Variants in SETD2 observed in about 807,000 individuals in gnomAD.
SETD2 encodes histone-lysine N-methyltransferase SETD2.
A neutral mutation model predicts 242.1 loss-of-function variants in SETD2; 31 were observed. That is an observed-to-expected ratio of 0.13 (90% confidence interval 0.10 to 0.17). The LOEUF (loss-of-function observed/expected upper bound fraction) is 0.17, where lower values mean the gene tolerates loss of function less well. Ranked by LOEUF, SETD2 falls within the 10% of genes least tolerant of loss-of-function variation. The pLI, the probability that SETD2 is intolerant of heterozygous loss-of-function variation, is 1.00. For synonymous variants in SETD2, 1,006 were observed against 1,066.5 expected (o/e 0.94, Z 1.11); for missense variants, 2,481 against 3,046.3 (o/e 0.81, Z 4.37).
chr3:47,119,571 GT>G, intron 3 of SETD2: 1 of 253,982 alleles, frequency 3.9e-6, no homozygotes, highest in South Asian at 3.8e-5. Context: ...GATCTGATGG[GT>G]TTATCAAGGG....
chr3:47,148,329 C>G (rs949950703), intron 1 of SETD2, among the ~76,000 whole-genome samples: 1 of 152,124 alleles, frequency 6.6e-6, no homozygotes, highest in South Asian at 2.1e-4. Context: ...CAGGGTTTTG[C>G]CATGTTGCCC....
At chr3:47,151,523 C>T (rs1292385851) in intron 1 of SETD2, among the ~76,000 whole-genome samples, 2 of 152,060 alleles carry the variant, frequency 1.3e-5, no homozygotes, top group Admixed American at 1.3e-4. Flanking sequence ...ATCCTGACAC[C>T]ATCATGATCT....
chr3:47,102,507 C>A (rs4018904), intron 7 of SETD2, among the ~76,000 whole-genome samples: 6,455 of 152,188 alleles, frequency 0.042, 473 homozygotes, highest in African/African-American at 0.15. Flanking sequence ...AGTTACAATC[C>A]CAGCTGGGTG....
intron 5 of SETD2, among the ~76,000 whole-genome samples, chr3:47,111,838 G>GAA (rs913279278): frequency 1.3e-5 from 2 of 150,332 alleles, no homozygotes; most frequent in Non-Finnish European, 3.0e-5. Context: ...AAAACAGTGA[G>GAA]AAAAAAAAAT....
intron 1 of SETD2, among the ~76,000 whole-genome samples, chr3:47,130,777 A>G (rs899392528): frequency 4.0e-5 from 6 of 149,850 alleles, no homozygotes; most frequent in African/African-American, 1.5e-4. Context: ...TACTACAGAG[A>G]AAAAAAAAAG....
At chr3:47,087,749 C>T (rs888667382) in intron 10 of SETD2, among the ~76,000 whole-genome samples, 12 of 152,084 alleles carry the variant, frequency 7.9e-5, no homozygotes, top group Admixed American at 7.9e-4. Context: ...GGTGGATCAT[C>T]TGAGGTCAGG....
chr3:47,070,127 A>C (rs1447455981), intron 12 of SETD2, among the ~76,000 whole-genome samples: 2 of 152,248 alleles, frequency 1.3e-5, no homozygotes, highest in Non-Finnish European at 2.9e-5. Flanking sequence ...AATTTATTAC[A>C]TAGGCCTCAA....
At chr3:47,068,489 C>T (rs1559685317) in intron 12 of SETD2, among the ~76,000 whole-genome samples, 1 of 142,336 alleles carries the variant, frequency 7.0e-6, no homozygotes, top group East Asian at 2.1e-4. Flanking sequence ...TTCAAATACA[C>T]TATCTTTTTT....
chr3:47,131,369 A>G (rs2043470440), intron 1 of SETD2, among the ~76,000 whole-genome samples: 1 of 152,130 alleles, frequency 6.6e-6, no homozygotes, highest in African/African-American at 2.4e-5. Context: ...TTTGAGACAG[A>G]GTATCGCTCT....
At chr3:47,046,820 T>G in intron 15 of SETD2, 199 bp from the exon 16 acceptor site, 1 of 375,934 alleles carries the variant, frequency 2.7e-6, no homozygotes, top group Non-Finnish European at 4.7e-6. Flanking sequence ...CCTATTCATT[T>G]ACTTACTTTG....
rs566884235 is a variant in SETD2 at position 47,132,352 on chromosome 3, T to C, written c.72-5689A>G. 9.2e-5 allele frequency among the ~76,000 whole-genome samples: 14 copies of C among 152,102 alleles called. No individual in the cohort carries two copies. The East Asian group carries it at 2.5e-3, about 27-fold the overall frequency. Reference sequence around the variant, plus strand: ...AACTACAAAAACTAGCCAGGTGTGGTGGTACATGCCTATAGTCGCAGCTAC... The same window carrying C: ...AACTACAAAAACTAGCCAGGTGTGGCGGTACATGCCTATAGTCGCAGCTAC... On this transcript the variant is annotated intron_variant, in intron 1 of 20. Coordinates refer to ENST00000409792, the MANE Select transcript of SETD2 (RefSeq NM_014159.7).
Position 47,164,010 on chromosome 3 carries a change from ACCGCGGCGGCGG to A in SETD2, c.-98_-87del. 8.7e-7 allele frequency: 1 copy of A among 1,153,558 alleles called. No homozygotes were observed. The highest frequency in any genetic ancestry group is 1.0e-6 in the Non-Finnish European group (1 of 952,562). The allele number at this position is 1,153,558 out of a possible 1,614,324, so 71.5% of individuals were successfully genotyped here. On this transcript the variant is annotated 5_prime_UTR_variant, in exon 1 of 21. Transcript: ENST00000409792. This position sits in a 1 kb window ranked among gnomAD's most constrained non-coding sequence, Gnocchi z 5.4. ...GGGAGGGGAGGAGGCCGCAGGTCCG[ACCGCGGCGGCGG>A]CGGCGGCGGCGGCGGCGGCGGCAGG...
chr3:47,085,444 C>T (rs1382589676), intron 11 of SETD2, among the ~76,000 whole-genome samples: 1 of 152,154 alleles, frequency 6.6e-6, no homozygotes, highest in African/African-American at 2.4e-5. Context: ...AAAGAGAGAT[C>T]CCCTCCTCAT....
Position 47,121,935 on chromosome 3 carries a change from C to T in SETD2, c.2701G>A (p.Gly901Arg), listed in dbSNP as rs757476376. 28 of 1,613,784 alleles carry T rather than the reference C, an allele frequency of 1.7e-5. No individual in the cohort carries two copies. The highest frequency in any genetic ancestry group is 6.7e-5 in the East Asian group (3 of 44,874). Reference sequence around the variant, plus strand: ...TCCAGAACTGGAGATGTGTTCTCTCCGCATTTCAAGAGAGTTAGACTGTCC... The same window carrying T: ...TCCAGAACTGGAGATGTGTTCTCTCTGCATTTCAAGAGAGTTAGACTGTCC... ...KVDSLTLLKCGENTSPVLDAV... is the reference protein window; with the variant it reads ...KVDSLTLLKCRENTSPVLDAV... Residue 901 changes from glycine (G) to arginine (R), a missense_variant, in exon 3 of 21, where the codon GGA (glycine) becomes AGA (arginine). Transcript: ENST00000409792.
At chr3:47,155,290 T>C (rs1276246636) in intron 1 of SETD2, among the ~76,000 whole-genome samples, 1 of 152,186 alleles carries the variant, frequency 6.6e-6, no homozygotes, top group Non-Finnish European at 1.5e-5. Flanking sequence ...AAGACAATAC[T>C]TGTTCTTAGG....
chr3:47,103,609 A>G (rs920140711), intron 6 of SETD2, among the ~76,000 whole-genome samples, 186 bp from the exon 7 acceptor site: 7 of 152,198 alleles, frequency 4.6e-5, no homozygotes, highest in African/African-American at 1.7e-4. Context: ...ACTGTAAACA[A>G]TGGCTCAGTT....
chr3:47,090,210 G>A (rs2041739358), intron 9 of SETD2, among the ~76,000 whole-genome samples: 1 of 151,998 alleles, frequency 6.6e-6, no homozygotes. Context: ...TTGTGCCACT[G>A]TACTCTAGCC....
intron 1 of SETD2, among the ~76,000 whole-genome samples, chr3:47,135,149 T>C (rs1409140704): frequency 2.0e-5 from 3 of 152,146 alleles, no homozygotes; most frequent in South Asian, 4.1e-4. Flanking sequence ...AGGTAACAAA[T>C]AATAATTGCC....
chr3:47,150,199 T>A (rs1229352910), intron 1 of SETD2, among the ~76,000 whole-genome samples: 1 of 151,818 alleles, frequency 6.6e-6, no homozygotes, highest in Non-Finnish European at 1.5e-5. Flanking sequence ...CCGGCTAATT[T>A]TAATTTATCT....
Sources: allele counts gnomAD v4.1 joint callset (sites outside exome capture counted in the v4.1 genomes callset), GRCh38; gene constraint gnomAD v4.1.1; non-coding constraint Gnocchi (gnomAD v3.1); transcripts MANE v1.5; gene names NCBI Gene and HGNC (gene_info 2026-07-23, HGNC 2026-07-21).